The following BCAR3 variants were observed in gnomAD, a reference collection of about 807,000 sequenced individuals.
BCAR3 encodes BCAR3 adaptor protein, NSP family member.
Under a neutral mutation model 80.1 loss-of-function variants are expected in BCAR3, and 37 were observed. That is an observed-to-expected ratio of 0.46 (90% confidence interval 0.36 to 0.61). The LOEUF (loss-of-function observed/expected upper bound fraction) is 0.61. BCAR3 is among the 20% of genes least tolerant of loss of function. The pLI is 0.00. For synonymous variants in BCAR3, 389 were observed against 418.9 expected (o/e 0.93, Z 0.87); for missense variants, 978 against 1,068.2 (o/e 0.92, Z 1.18).
intron 2 of BCAR3, among the ~76,000 whole-genome samples, chr1:93,742,408 C>G (rs537416344): frequency 2.0e-5 from 3 of 152,160 alleles, no homozygotes; most frequent in African/African-American, 7.2e-5. Flanking sequence ...TTATTGACTC[C>G]TGAGTTGACT....
At chr1:93,768,543 G>C (rs1254673984) in intron 2 of BCAR3, among the ~76,000 whole-genome samples, 1 of 152,198 alleles carries the variant, frequency 6.6e-6, no homozygotes, top group Non-Finnish European at 1.5e-5. Context: ...GGGATGTGCT[G>C]AATCTTGGTA....
At chr1:93,635,348 G>A (rs549160072) in intron 3 of BCAR3, among the ~76,000 whole-genome samples, 2 of 151,320 alleles carry the variant, frequency 1.3e-5, no homozygotes, top group Non-Finnish European at 2.9e-5. Context: ...TGTCAATTAC[G>A]AATAATGTCA....
chr1:93,738,646 C>T (rs768824550), intron 2 of BCAR3, among the ~76,000 whole-genome samples: 1 of 152,104 alleles, frequency 6.6e-6, no homozygotes, highest in Non-Finnish European at 1.5e-5. Flanking sequence ...CAGGGCAAGG[C>T]AGATCAGCAG....
chr1:93,732,756 A>G (rs1158319840), intron 2 of BCAR3, among the ~76,000 whole-genome samples: 10 of 152,230 alleles, frequency 6.6e-5, no homozygotes, highest in Non-Finnish European at 7.3e-5. Context: ...TGCCTTCTCC[A>G]AAACCCCAAA....
chr1:93,698,207 C>A (rs1649492178), intron 3 of BCAR3, among the ~76,000 whole-genome samples: 1 of 152,182 alleles, frequency 6.6e-6, no homozygotes, highest in African/African-American at 2.4e-5. Flanking sequence ...AAGGGGGCAA[C>A]TGGGGGCTGA....
At chr1:93,700,905 C>G (rs894712112) in intron 3 of BCAR3, among the ~76,000 whole-genome samples, 2 of 152,210 alleles carry the variant, frequency 1.3e-5, no homozygotes. Flanking sequence ...AGGCGTCTGC[C>G]GTCCCCTCAG....
intron 2 of BCAR3, among the ~76,000 whole-genome samples, chr1:93,751,509 AG>A (rs1277204108): frequency 6.6e-6 from 1 of 152,290 alleles, no homozygotes; most frequent in Non-Finnish European, 1.5e-5. Flanking sequence ...AGACTATGGC[AG>A]CAATCCTGCC....
rs527380821 is a variant in BCAR3 at position 93,566,958 on chromosome 1, C to G, written c.2299+321G>C. The stretch of plus-strand genomic sequence containing the variant: ...GGCCAAGCTGGTCTTGAACTCCTGA[C>G]TTCAAGTGATCTACCTGCCTCAGCC... On this transcript the variant is annotated intron_variant, in intron 11 of 11. Transcript: ENST00000260502. 1.4e-3 allele frequency among the ~76,000 whole-genome samples: 208 copies of G among 152,120 alleles called. 1 individual carries two copies. The highest frequency in any genetic ancestry group is 2.3e-3 in the Non-Finnish European group (155 of 68,022).
At chr1:93,685,399 C>G (rs562331793), upstream of BCAR3, among the ~76,000 whole-genome samples, 1 of 151,742 alleles carries the variant, frequency 6.6e-6, no homozygotes, top group African/African-American at 2.4e-5. Context: ...GTTATTACCC[C>G]CTCCCTACAC....
chr1:93,563,031 A>G (rs952036889), intron 11 of BCAR3, among the ~76,000 whole-genome samples: 1 of 152,184 alleles, frequency 6.6e-6, no homozygotes, highest in East Asian at 1.9e-4. Context: ...AGGAGGGTTC[A>G]TTGTACCTAG....
chr1:93,687,374 C>G (rs1326612790), intron 3 of BCAR3, among the ~76,000 whole-genome samples: 1 of 152,172 alleles, frequency 6.6e-6, no homozygotes, highest in African/African-American at 2.4e-5. Context: ...GTAGCATGAT[C>G]TCAGCTAACT....
chr1:93,652,672 A>G (rs1252501093), intron 2 of BCAR3, among the ~76,000 whole-genome samples: 1 of 152,154 alleles, frequency 6.6e-6, no homozygotes, highest in East Asian at 1.9e-4. Context: ...GCTTATGCCA[A>G]TTATGAGTCC....
chr1:93,622,648 A>G (rs1216758322), intron 3 of BCAR3, among the ~76,000 whole-genome samples: 2 of 152,210 alleles, frequency 1.3e-5, no homozygotes, highest in Non-Finnish European at 2.9e-5. Flanking sequence ...AAACACAAAC[A>G]GTACCCCTTC....
rs372690132 is a variant in BCAR3, at chr1:93,759,473, C to T, written c.-62-53331G>A. Among the ~76,000 whole-genome samples, 40 of 152,270 alleles carry T rather than the reference C, an allele frequency of 2.6e-4. 3 individuals are homozygous for T. The highest frequency in any genetic ancestry group is 1.2e-3 in the Admixed American group (19 of 15,294). ...GGCACCTGGCTGTGTTACCAAGCGG[C>T]CTCTATGGGTGCTAGGGGAAGGAGT... On this transcript the variant is annotated intron_variant, in intron 2 of 13. Coordinates refer to the BCAR3 transcript ENST00000370244.
At chr1:93,628,030 C>T (rs770640612) in intron 3 of BCAR3, among the ~76,000 whole-genome samples, 2 of 152,036 alleles carry the variant, frequency 1.3e-5, no homozygotes, top group African/African-American at 2.4e-5. Context: ...AAAAAACTTT[C>T]GGTTGCCAAG....
intron 3 of BCAR3, among the ~76,000 whole-genome samples, chr1:93,691,625 T>C (rs966069113): frequency 6.6e-5 from 10 of 152,124 alleles, no homozygotes; most frequent in African/African-American, 2.2e-4. Flanking sequence ...TGCTTGTGCC[T>C]GTTCCTTCCT....
chr1:93,756,339 T>A (rs1457522406), intron 2 of BCAR3, among the ~76,000 whole-genome samples: 2 of 152,120 alleles, frequency 1.3e-5, no homozygotes, highest in African/African-American at 4.8e-5. Context: ...AGCCATTCTA[T>A]CTCTGTAATA....
intron 3 of BCAR3, among the ~76,000 whole-genome samples, chr1:93,701,384 T>C (rs1649635062): frequency 6.6e-6 from 1 of 152,070 alleles, no homozygotes; most frequent in Non-Finnish European, 1.5e-5. Flanking sequence ...TGTCTTCCAT[T>C]GGAATGGAAG....
At chr1:93,628,751 C>A (rs1019108205) in intron 3 of BCAR3, among the ~76,000 whole-genome samples, 1 of 152,236 alleles carries the variant, frequency 6.6e-6, no homozygotes, top group African/African-American at 2.4e-5. Flanking sequence ...ATTGACTTGA[C>A]TGTCTTTCTT....
Sources: allele counts gnomAD v4.1 joint callset (sites outside exome capture counted in the v4.1 genomes callset), GRCh38; gene constraint gnomAD v4.1.1; transcripts MANE v1.5; gene names NCBI Gene and HGNC (gene_info 2026-07-23, HGNC 2026-07-21).